The following CARMIL3 variants were observed in gnomAD, a reference collection of about 807,000 sequenced individuals.
CARMIL3 encodes capping protein regulator and myosin 1 linker 3, also known as capping protein, Arp2/3 and myosin-I linker protein 3.
CARMIL3 carries 88 observed loss-of-function variants against 180.8 expected under a neutral mutation model. The ratio of observed to expected loss-of-function variants is 0.49; its 90% CI spans 0.41 to 0.58. CARMIL3 has a LOEUF of 0.58. Among genes scored for constraint, CARMIL3 ranks in the 20% least tolerant of loss-of-function variants. The pLI is 0.00. For missense variants in CARMIL3, 1,548 were observed against 1,787.0 expected (o/e 0.87, Z 2.41); for synonymous variants, 696 against 714.5 (o/e 0.97, Z 0.41).
In CARMIL3 at chr14:24,054,473, T is replaced by C. The variant is rs990912336; in HGVS notation, c.324T>C (p.His108=). The C allele has an allele frequency of 2.5e-6, 4 of 1,614,134 alleles. No homozygotes were observed. The highest frequency in any genetic ancestry group is 4.5e-5 in the East Asian group (2 of 44,874). The change falls in exon 5 of 40, where the codon CAT becomes CAC. Residue 108 remains histidine, a synonymous_variant. Transcript: ENST00000342740. This position sits in a 1 kb window ranked among gnomAD's most constrained non-coding sequence, Gnocchi z 5.1. ...AAAGTGTGGACCAGGTGACACGACA[T>C]GTGAGCTCTGCCCTGTCCAAGGTCT... The part of the protein sequence containing the change: ...SAESVDQVTR[H]VSSALSKVCP...
chr14:24,069,271 C>T (rs1050538183), intron 39 of CARMIL3, 24 bp downstream of exon 39: 2 of 1,610,884 alleles, frequency 1.2e-6, no homozygotes, highest in East Asian at 4.5e-5. Flanking sequence ...GAGGGCAGGT[C>T]CCCCCTTCCC....
intron 2 of CARMIL3, 115 bp from the exon 3 acceptor site, chr14:24,053,973 G>A (rs1310172214): frequency 3.9e-6 from 5 of 1,287,580 alleles, no homozygotes; most frequent in South Asian, 1.3e-5. Flanking sequence ...GAAGTCTAGG[G>A]TAGGGCATCG....
chr14:24,054,521 A>G lies in CARMIL3; in HGVS notation c.362+10A>G. ...TCTGCCCTGGCCCTGGGTGAGTGGC[A>G]AATAAGGGGTCTCTTAAGGCATTAG... is the stretch of plus-strand genomic sequence containing the variant. On this transcript the variant is annotated intron_variant, in intron 5 of 39. Coordinates refer to ENST00000342740, the MANE Select transcript of CARMIL3 (RefSeq NM_138360.4). The surrounding 1 kb of genome is among the most constrained non-coding windows in gnomAD (Gnocchi z 5.1). 2 of 1,603,576 alleles carry G rather than the reference A, an allele frequency of 1.2e-6. No homozygotes were observed. The highest frequency in any genetic ancestry group is 2.2e-5 in the East Asian group (1 of 44,788).
At position 24,059,970 on chromosome 14, in the gene CARMIL3, C is replaced by A. The variant is rs1252577141; in HGVS notation, c.1869C>A (p.Ser623Arg). The A allele has an allele frequency of 2.5e-6, 4 of 1,613,804 alleles. No individual in the cohort carries two copies. The Admixed American group carries it at 5.0e-5, about 20-fold the overall frequency. Residue 623 changes from serine (S) to arginine (R), a missense_variant and splice_region_variant, in exon 23 of 40, where the codon AGC (serine) becomes AGA (arginine). Ser to Arg is a moderately radical substitution (Grantham distance 110). Around this residue, in one of 4 missense-constraint regions of CARMIL3, gnomAD observed 297 missense variants for 415.9 expected, o/e 0.71. Coordinates refer to ENST00000342740, the MANE Select transcript of CARMIL3 (RefSeq NM_138360.4). This position sits in a 1 kb window ranked among gnomAD's most constrained non-coding sequence, Gnocchi z 6.3. Reference protein sequence around the residue: ...GFLDIARALESNHTLRFMSFP... With the variant: ...GFLDIARALERNHTLRFMSFP... ...CCAGCTGTGCCCCTGTGTCCCACAG[C>A]AACCACACGCTGCGCTTCATGTCCT...
In CARMIL3 at chr14:24,061,219, T is replaced by C; in HGVS notation, c.2304+179T>C. 1.5e-6 allele frequency: 1 copy of C among 655,200 alleles called. No individual in the cohort carries two copies. The highest frequency in any genetic ancestry group is 2.6e-6 in the Non-Finnish European group (1 of 386,024). The allele number at this position is 655,200 out of a possible 1,614,324, so 40.6% of individuals were successfully genotyped here. A position where few individuals can be genotyped will look rare whatever the true frequency, so the allele number is the denominator to read the frequency against. ...CTGCAATATCAGGCTTGGATTTTTT[T>C]CTGCTAGCTTTGATGTTGGTCCCTG... is the stretch of plus-strand genomic sequence containing the variant. On this transcript the variant is annotated intron_variant, in intron 26 of 39. Coordinates refer to ENST00000342740, the MANE Select transcript of CARMIL3 (RefSeq NM_138360.4). This position sits in a 1 kb window ranked among gnomAD's most constrained non-coding sequence, Gnocchi z 4.1.
Position 24,064,972 on chromosome 14 carries a change from T to C in CARMIL3, c.3095T>C (p.Leu1032Pro). Residue 1032 changes from leucine to proline, a missense_variant, in exon 33 of 40, where the codon CTG (leucine) becomes CCG (proline). Coordinates refer to ENST00000342740, the MANE Select transcript of CARMIL3 (RefSeq NM_138360.4). The stretch of plus-strand genomic sequence containing the variant: ...ATTCTCCCCAGCTACCCCCGGACTC[T>C]GAGGACCGTGCGGCCAGGACTCTCG... ...LEESSSYPRT[L>P]RTVRPGLSEA... 3.1e-6 allele frequency: 5 copies of C among 1,611,792 alleles called. No homozygotes were observed. The highest frequency in any genetic ancestry group is 4.5e-5 in the East Asian group (2 of 44,804).
intron 11 of CARMIL3, 57 bp from the exon 12 acceptor site, chr14:24,056,565 C>T: frequency 6.4e-7 from 1 of 1,572,574 alleles, no homozygotes. Flanking sequence ...TGACTCTGTG[C>T]CACCTGCACC....
chr14:24,059,786 G>A lies in CARMIL3; in HGVS notation c.1868+54G>A, dbSNP rs1047458296. On this transcript the variant is annotated intron_variant, in intron 22 of 39. Coordinates refer to ENST00000342740, the MANE Select transcript of CARMIL3 (RefSeq NM_138360.4). This position sits in a 1 kb window ranked among gnomAD's most constrained non-coding sequence, Gnocchi z 6.3. The stretch of plus-strand genomic sequence containing the variant: ...CAAGTCCCCAGCCTCCCTGTGCCTG[G>A]ATCAGGCCTGAACTACTCTTGCCCC... 6.3e-7 allele frequency: 1 copy of A among 1,588,480 alleles called. No individual in the cohort carries two copies. The highest frequency in any genetic ancestry group is 1.3e-5 in the African/African-American group (1 of 74,374).
Position 24,056,368 on chromosome 14 carries a change from G to A in CARMIL3, c.840G>A (p.Leu280=), listed in dbSNP as rs750623248. ...NGSCVLHALT[L]SHNPIEDKGF... ...GCTGTGTGCTGCATGCCCTCACTCT[G>A]TCCCACAACCCCATCGAGGACAAGG... The change falls in exon 11 of 40, where the codon CTG becomes CTA. Residue 280 remains leucine, a synonymous_variant. Coordinates refer to ENST00000342740, the MANE Select transcript of CARMIL3 (RefSeq NM_138360.4). 5.6e-6 allele frequency: 9 copies of A among 1,613,772 alleles called. No individual in the cohort carries two copies. The East Asian group carries it at 1.3e-4, about 24-fold the overall frequency.
intron 36 of CARMIL3, among the ~76,000 whole-genome samples, chr14:24,068,193 T>G (rs999939288): frequency 6.6e-5 from 10 of 151,976 alleles, no homozygotes; most frequent in African/African-American, 2.2e-4. Context: ...GGTCAAGAGA[T>G]CGAGACAATC....
intron 36 of CARMIL3, among the ~76,000 whole-genome samples, chr14:24,067,359 G>A (rs2035797583): frequency 6.6e-6 from 1 of 152,222 alleles, no homozygotes; most frequent in Non-Finnish European, 1.5e-5. Flanking sequence ...AGTTGCCAAA[G>A]GCCTGGACCA....
Position 24,059,535 on chromosome 14 carries a change from G to C in CARMIL3, c.1799+93G>C, listed in dbSNP as rs985330801. The C allele has an allele frequency of 4.0e-6, 6 of 1,514,584 alleles. No homozygotes were observed. The highest frequency in any genetic ancestry group is 5.4e-6 in the Non-Finnish European group (6 of 1,117,716). The allele number at this position is 1,514,584 out of a possible 1,614,324, so 93.8% of individuals were successfully genotyped here. On this transcript the variant is annotated intron_variant, in intron 21 of 39. Coordinates refer to ENST00000342740, the MANE Select transcript of CARMIL3 (RefSeq NM_138360.4). The surrounding 1 kb of genome is among the most constrained non-coding windows in gnomAD (Gnocchi z 6.3). ...GCTTTCCTTGATGCTCTGGACCCCAGCTTCCAGAAGACCCCCAGCCCCAGA... is the reference window on the plus strand; with the variant it reads ...GCTTTCCTTGATGCTCTGGACCCCACCTTCCAGAAGACCCCCAGCCCCAGA...
rs1234436131 is a variant in CARMIL3 at position 24,065,065 on chromosome 14, G to C, written c.3188G>C (p.Ser1063Thr). Residue 1063 changes from serine (S) to threonine (T), a missense_variant, in exon 33 of 40, where the codon AGC (serine) becomes ACC (threonine). Physicochemically the swap from Ser to Thr is moderately conservative, Grantham distance 58. Around this residue, in one of 4 missense-constraint regions of CARMIL3, gnomAD observed 668 missense variants for 687.8 expected, o/e 0.97. Transcript: ENST00000342740. The stretch of plus-strand genomic sequence containing the variant: ...CTGTTTCACTTTCGCCGGCCCCGGA[G>C]CTTCAAGGGGGACAGGGGGCCGGGG... ...RGLFHFRRPR[S>T]FKGDRGPGSP... 5 of 1,601,052 alleles carry C rather than the reference G, an allele frequency of 3.1e-6. No homozygotes were observed. In the East Asian group the frequency reaches 9.0e-5, roughly 29 times the overall value.
rs1294862662 is a variant in CARMIL3 at position 24,069,203 on chromosome 14, G to A, written c.4049G>A (p.Cys1350Tyr). 4 of 1,613,926 alleles carry A rather than the reference G, an allele frequency of 2.5e-6. No homozygotes were observed. The highest frequency in any genetic ancestry group is 1.3e-5 in the African/African-American group (1 of 74,904). ...KPKRTRRAQS[C>Y]DKLEPDRRRP... ...AAGAGGACACGGCGGGCACAGTCCT[G>A]TGACAAGCTGGAACCTGATAGAAGA... The change falls in exon 39 of 40, where the codon TGT becomes TAT. Residue 1350 changes from cysteine to tyrosine, a missense_variant. Cys to Tyr is a radical substitution (Grantham distance 194, BLOSUM62 -2). Transcript: ENST00000342740.
At chr14:24,062,619 A>G in intron 28 of CARMIL3, 52 bp downstream of exon 28, 1 of 1,613,440 alleles carries the variant, frequency 6.2e-7, no homozygotes, top group Non-Finnish European at 8.5e-7. Flanking sequence ...TCCACCCCAC[A>G]TTATCCTGTC....
In CARMIL3 at chr14:24,069,680, T is replaced by A. The variant is rs1682011078; in HGVS notation, c.*276T>A. On this transcript the variant is annotated 3_prime_UTR_variant, in exon 40 of 40. Coordinates refer to ENST00000342740, the MANE Select transcript of CARMIL3 (RefSeq NM_138360.4). ...AGGAGGGTGGATCTCTGTCCCTCTA[T>A]CCCCAGGGACTCTCTCCCCTCTTGT... 1 of 536,886 alleles carries A rather than the reference T, an allele frequency of 1.9e-6. No homozygotes were observed. The highest frequency in any genetic ancestry group is 1.9e-5 in the African/African-American group (1 of 52,558). 33.3% of individuals were successfully genotyped at this position (536,886 alleles called of 1,614,324 possible). A position where few individuals can be genotyped will look rare whatever the true frequency, so the allele number is the denominator to read the frequency against.
intron 27 of CARMIL3, 74 bp from the exon 28 acceptor site, chr14:24,062,406 G>T: frequency 7.5e-7 from 1 of 1,340,526 alleles, no homozygotes; most frequent in South Asian, 1.2e-5. Context: ...AGGCTTCTGG[G>T]AGAGGGAGTG....
rs761097749 is a variant in CARMIL3, at chr14:24,062,755, G to A, written c.2615G>A (p.Cys872Tyr). Residue 872 changes from cysteine to tyrosine, a missense_variant, in exon 29 of 40, where the codon TGC (cysteine) becomes TAC (tyrosine). Cys to Tyr is a radical substitution (Grantham distance 194, BLOSUM62 -2). Coordinates refer to ENST00000342740, the MANE Select transcript of CARMIL3 (RefSeq NM_138360.4). ...QLRTLSDPPG[C>Y]PGQGQDLSSR... ...AGGACGCTGTCAGATCCACCAGGGTGCCCAGGCCAAGGGCAGGATCTGTCC... is the reference window on the plus strand; with the variant it reads ...AGGACGCTGTCAGATCCACCAGGGTACCCAGGCCAAGGGCAGGATCTGTCC... The A allele has an allele frequency of 6.2e-7, 1 of 1,613,528 alleles. No homozygotes were observed. The highest frequency in any genetic ancestry group is 8.5e-7 in the Non-Finnish European group (1 of 1,179,666).
At chr14:24,069,092 A>G (rs1256507591) in intron 38 of CARMIL3, 45 bp from the exon 39 acceptor site, 2 of 1,609,402 alleles carry the variant, frequency 1.2e-6, no homozygotes, top group Non-Finnish European at 8.5e-7. Context: ...GCATCCCAGC[A>G]TGAGCCCCAC....
Sources: gnomAD v4.1 joint callset for allele counts (sites outside exome capture counted in the v4.1 genomes callset) on GRCh38, gnomAD v4.1.1 for gene constraint, gnomAD v4.1.1 regional missense constraint, Gnocchi (gnomAD v3.1) non-coding constraint, MANE v1.5 for transcripts, NCBI Gene and HGNC (gene_info 2026-07-23, HGNC 2026-07-21) for gene names.